Variants in KCNMA1 observed in about 807,000 individuals in gnomAD.
The protein encoded by KCNMA1 is Calcium-activated potassium channel subunit alpha-1.
KCNMA1 carries 29 observed loss-of-function variants against 140.0 expected under a neutral mutation model. The observed-to-expected ratio is 0.21, with a 90% CI of 0.15 to 0.28. The LOEUF (loss-of-function observed/expected upper bound fraction) is 0.28. Among genes scored for constraint, KCNMA1 ranks in the 10% least tolerant of loss-of-function variants. The pLI is 1.00. For synonymous variants in KCNMA1, 612 were observed against 611.9 expected (o/e 1.00, Z 0.00); for missense variants, 880 against 1,602.2 (o/e 0.55, Z 7.70).
At chr10:77,201,550 G>A (rs2154155337) in intron 3 of KCNMA1, among the ~76,000 whole-genome samples, 1 of 152,294 alleles carries the variant, frequency 6.6e-6, no homozygotes, top group Admixed American at 6.5e-5. Flanking sequence ...GGCATGCTGG[G>A]GAAGGACCTC....
intron 1 of KCNMA1, among the ~76,000 whole-genome samples, chr10:77,572,138 C>T (rs1356011965): frequency 1.3e-5 from 2 of 152,086 alleles, no homozygotes; most frequent in East Asian, 1.9e-4. Context: ...TCTCTGTCTC[C>T]GTATCTTTCT....
chr10:77,252,262 A>G (rs1209914384), intron 2 of KCNMA1, among the ~76,000 whole-genome samples: 2 of 152,222 alleles, frequency 1.3e-5, no homozygotes, highest in Non-Finnish European at 2.9e-5. Context: ...GGAGACTATT[A>G]ATGCAAATAA....
chr10:76,985,237 GC>G (rs1305239683), intron 19 of KCNMA1, among the ~76,000 whole-genome samples: 1 of 152,176 alleles, frequency 6.6e-6, no homozygotes, highest in Non-Finnish European at 1.5e-5. Flanking sequence ...AATATGTAAA[GC>G]ACTGTAAGTC....
intron 5 of KCNMA1, among the ~76,000 whole-genome samples, chr10:77,172,735 C>A (rs1321443720): frequency 6.6e-6 from 1 of 151,892 alleles, no homozygotes; most frequent in African/African-American, 2.4e-5. Context: ...AGAGTAGAGC[C>A]CCATGTCAGT....
chr10:77,584,053 G>A (rs755479740), intron 1 of KCNMA1, among the ~76,000 whole-genome samples: 23 of 152,172 alleles, frequency 1.5e-4, no homozygotes, highest in Non-Finnish European at 2.9e-4. Flanking sequence ...GCTTTATCAC[G>A]CATTACTAAG....
intron 18 of KCNMA1, 22 bp downstream of exon 18, chr10:77,011,945 C>G: frequency 6.2e-7 from 1 of 1,601,400 alleles, no homozygotes; most frequent in South Asian, 1.1e-5. Context: ...AGGGAGGGGA[C>G]AGGGAGAGAA....
intron 5 of KCNMA1, among the ~76,000 whole-genome samples, chr10:77,127,444 G>A (rs2097766271): frequency 6.6e-6 from 1 of 152,050 alleles, no homozygotes; most frequent in Non-Finnish European, 1.5e-5. Flanking sequence ...TAGGACTCAA[G>A]CACACACTTT....
At chr10:77,418,527 C>T (rs1212886370) in intron 1 of KCNMA1, among the ~76,000 whole-genome samples, 2 of 152,114 alleles carry the variant, frequency 1.3e-5, no homozygotes, top group Non-Finnish European at 2.9e-5. Context: ...AGACAGAGCT[C>T]ACCGAGTGTC....
intron 13 of KCNMA1, among the ~76,000 whole-genome samples, chr10:77,073,680 G>A (rs1438785019): frequency 6.6e-6 from 1 of 152,152 alleles, no homozygotes; most frequent in African/African-American, 2.4e-5. Context: ...CAGGCATCAG[G>A]AGCGGGCATC....
chr10:77,508,581 C>CTTTTTTTTTTTTTTTTTTTTTT lies in KCNMA1; in HGVS notation c.379-104559_379-104558insAAAAAAAAAAAAAAAAAAAAAA, dbSNP rs761735012. Among the ~76,000 whole-genome samples the CTTTTTTTTTTTTTTTTTTTTTT allele has an allele frequency of 4.1e-4, 41 of 99,862 alleles. 1 individual carries two copies. The highest frequency in any genetic ancestry group is 7.4e-4 in the East Asian group (2 of 2,720). The allele number at this position is 99,862 out of a possible 152,430, so 65.5% of individuals were successfully genotyped here. A position where few individuals can be genotyped will look rare whatever the true frequency, so the allele number is the denominator to read the frequency against. On this transcript the variant is annotated intron_variant, in intron 1 of 27. Transcript: ENST00000286628. Reference sequence around the variant, plus strand: ...TTCCTTTTTCTTTTTTTTTTCTTTTCTTTTTTTTTTTTTTTTTGTAGAGGT... The same window carrying CTTTTTTTTTTTTTTTTTTTTTT: ...TTCCTTTTTCTTTTTTTTTTCTTTTCTTTTTTTTTTTTTTTTTTTTTTTTTTTTTTTTTTTTTTTGTAGAGGT...
chr10:77,416,604 G>A (rs543321664), intron 1 of KCNMA1, among the ~76,000 whole-genome samples: 6 of 152,252 alleles, frequency 3.9e-5, no homozygotes, highest in Non-Finnish European at 8.8e-5. Flanking sequence ...TGAGTAACCC[G>A]AGAGCAATGT....
chr10:77,212,732 G>A (rs1363959220), intron 3 of KCNMA1, among the ~76,000 whole-genome samples: 1 of 151,406 alleles, frequency 6.6e-6, no homozygotes, highest in Non-Finnish European at 1.5e-5. Flanking sequence ...TCCTCATTAA[G>A]CTGTATGGTT....
In KCNMA1 at chr10:76,949,161, G is replaced by A; in HGVS notation, c.2690C>T (p.Pro897Leu). Residue 897 changes from proline to leucine, a missense_variant, in exon 22 of 28, where the codon CCC becomes CTC. Transcript: ENST00000286628. Reference sequence around the variant, plus strand: ...ACTTACAGGCAATATGGACACTTTGGGGAAGTTATGAAGCGTCTCCCATTC... The same window carrying A: ...ACTTACAGGCAATATGGACACTTTGAGGAAGTTATGAAGCGTCTCCCATTC... ...KREWETLHNF[P>L]KVSILPGTPL... 1 of 1,613,700 alleles carries A rather than the reference G, an allele frequency of 6.2e-7. No homozygotes were observed. Among genetic ancestry groups the A allele is most frequent in the Non-Finnish European group, 8.5e-7 (1 of 1,179,562 alleles).
At chr10:76,889,787 T>G in intron 26 of KCNMA1, 1 of 588,970 alleles carries the variant, frequency 1.7e-6, no homozygotes. Flanking sequence ...GGGGTTTTCC[T>G]CTGGTGTCTC....
At position 77,590,658 on chromosome 10, in the gene KCNMA1, G is replaced by C. The variant is rs187827176; in HGVS notation, c.378+46607C>G. On this transcript the variant is annotated intron_variant, in intron 1 of 27. Transcript: ENST00000286628. ...CCCACAGTGCAGCAGCGGTCTGAAG[G>C]GCTCCTCAAGTGCCGCCAAAGTGGG... 9.0e-3 allele frequency among the ~76,000 whole-genome samples: 1,364 copies of C among 152,368 alleles called. 13 individuals are homozygous for C. Among genetic ancestry groups the C allele is most frequent in the East Asian group, 0.051 (265 of 5,176 alleles).
rs2036576174 is a variant in KCNMA1, at chr10:76,885,675, C to G, written c.*1591G>C. 1 of 984,978 alleles carries G rather than the reference C, an allele frequency of 1.0e-6. No homozygotes were observed. Among genetic ancestry groups the G allele is most frequent in the Non-Finnish European group, 1.2e-6 (1 of 829,820 alleles). 61.0% of individuals were successfully genotyped at this position (984,978 alleles called of 1,614,324 possible). A position where few individuals can be genotyped will look rare whatever the true frequency, so the allele number is the denominator to read the frequency against. ...TAAAACTTTTCAAATATGTATATACCAGCCTAGTCCATCCATAAGGGAAAT... is the reference window on the plus strand; with the variant it reads ...TAAAACTTTTCAAATATGTATATACGAGCCTAGTCCATCCATAAGGGAAAT... On this transcript the variant is annotated 3_prime_UTR_variant, in exon 28 of 28. Coordinates refer to ENST00000286628, the MANE Select transcript of KCNMA1 (RefSeq NM_001161352.2).
In KCNMA1 at chr10:77,001,377, T is replaced by C. The variant is rs759338240; in HGVS notation, c.2266+30A>G. ...GATGATACCACAGACAGCACAAACA[T>C]GGAACTACGTGTGTTGAGGTTAAAC... On this transcript the variant is annotated intron_variant, in intron 19 of 27. Transcript: ENST00000286628. The C allele has an allele frequency of 5.2e-6, 8 of 1,542,900 alleles. No individual in the cohort carries two copies. In the African/African-American group the frequency reaches 8.2e-5, roughly 16 times the overall value.
At chr10:76,925,966 G>C (rs1377511376) in intron 23 of KCNMA1, among the ~76,000 whole-genome samples, 1 of 152,166 alleles carries the variant, frequency 6.6e-6, no homozygotes, top group Non-Finnish European at 1.5e-5. Flanking sequence ...CAAGACGCCT[G>C]GCCCAAGATA....
intron 1 of KCNMA1, among the ~76,000 whole-genome samples, chr10:77,532,916 T>C (rs1026332711): frequency 5.9e-5 from 9 of 152,206 alleles, no homozygotes; most frequent in Admixed American, 1.3e-4. Flanking sequence ...CCCCAAAAGC[T>C]ATCATGCCTC....
Sources: allele counts gnomAD v4.1 joint callset (sites outside exome capture counted in the v4.1 genomes callset), GRCh38; gene constraint gnomAD v4.1.1; transcripts MANE v1.5; gene names NCBI Gene and HGNC (gene_info 2026-07-23, HGNC 2026-07-21).